RAB7A: variants seen among roughly 807,000 people sequenced by gnomAD.
The protein encoded by RAB7A is ras-related protein Rab-7a.
Under a neutral mutation model 24.5 loss-of-function variants are expected in RAB7A, and 2 were observed. That is an observed-to-expected ratio of 0.08 (90% confidence interval 0.03 to 0.26). The LOEUF (loss-of-function observed/expected upper bound fraction) is 0.26. RAB7A is among the 10% of genes least tolerant of loss of function. The pLI is 1.00. For synonymous variants in RAB7A, 100 were observed against 95.9 expected, an observed-to-expected ratio of 1.04 and a Z score of -0.25; for missense variants, 118 against 255.7, an observed-to-expected ratio of 0.46 and a Z score of 3.67.
At chr3:128,780,547 C>G (rs567256991) in intron 1 of RAB7A, among the ~76,000 whole-genome samples, 1 of 152,294 alleles carries the variant, frequency 6.6e-6, no homozygotes, top group East Asian at 1.9e-4. Flanking sequence ...ACAGTTTTGT[C>G]TGCAGGTCAT....
At chr3:128,781,289 G>A (rs1933213104) in intron 1 of RAB7A, among the ~76,000 whole-genome samples, 1 of 152,186 alleles carries the variant, frequency 6.6e-6, no homozygotes. Context: ...TATTTCATGT[G>A]TCAAATGGAA....
At chr3:128,741,826 T>C (rs2107586491) in intron 1 of RAB7A, among the ~76,000 whole-genome samples, 1 of 152,282 alleles carries the variant, frequency 6.6e-6, no homozygotes, top group South Asian at 2.1e-4. Flanking sequence ...ATTTTTTTTT[T>C]CCTTGGAGAC....
At chr3:128,787,273 G>T (rs950973097) in intron 1 of RAB7A, among the ~76,000 whole-genome samples, 7 of 152,212 alleles carry the variant, frequency 4.6e-5, no homozygotes, top group Non-Finnish European at 1.0e-4. Flanking sequence ...AACTGTCATG[G>T]CTTTGTTGAA....
intron 1 of RAB7A, among the ~76,000 whole-genome samples, chr3:128,763,138 CTCTT>C (rs1017159666): frequency 2.7e-5 from 4 of 148,504 alleles, no homozygotes; most frequent in Non-Finnish European, 5.9e-5. Flanking sequence ...TCTATCCCCA[CTCTT>C]TCTTGTGAAG....
intron 1 of RAB7A, among the ~76,000 whole-genome samples, chr3:128,766,672 C>T (rs1308570245): frequency 6.6e-6 from 1 of 152,022 alleles, no homozygotes; most frequent in East Asian, 1.9e-4. Flanking sequence ...CAGAGCAGAT[C>T]CCATAGGAAT....
At chr3:128,758,342 G>A (rs1486757010) in intron 1 of RAB7A, among the ~76,000 whole-genome samples, 9 of 147,678 alleles carry the variant, frequency 6.1e-5, no homozygotes, top group Middle Eastern at 3.5e-3. Flanking sequence ...GCGCTATCTC[G>A]GCTCACTGCA....
At chr3:128,730,444 G>T (rs1451087090) in intron 1 of RAB7A, among the ~76,000 whole-genome samples, 1 of 152,102 alleles carries the variant, frequency 6.6e-6, no homozygotes. Context: ...TAGCCAGATT[G>T]GTCTTGATCT....
At chr3:128,740,914 A>T (rs964218519) in intron 1 of RAB7A, among the ~76,000 whole-genome samples, 3 of 135,162 alleles carry the variant, frequency 2.2e-5, no homozygotes, top group African/African-American at 9.3e-5. Context: ...AAAAAAAAAA[A>T]AAAAAAAAAG....
chr3:128,727,481 TC>T (rs1203379873), intron 1 of RAB7A, among the ~76,000 whole-genome samples: 1 of 152,228 alleles, frequency 6.6e-6, no homozygotes, highest in Non-Finnish European at 1.5e-5. Context: ...TGAAAGTCTT[TC>T]TGGTAGCATC....
chr3:128,786,121 C>T (rs1933334419), intron 1 of RAB7A, among the ~76,000 whole-genome samples: 1 of 152,156 alleles, frequency 6.6e-6, no homozygotes, highest in Non-Finnish European at 1.5e-5. Context: ...TCTTTTTCTT[C>T]ATCTGTTAAA....
intron 1 of RAB7A, among the ~76,000 whole-genome samples, chr3:128,742,104 G>A (rs549658976): frequency 7.2e-5 from 11 of 152,290 alleles, no homozygotes; most frequent in African/African-American, 2.6e-4. Flanking sequence ...ATTCCTTCTG[G>A]TGGGTTCGTG....
chr3:128,807,134 G>A (rs1933821231), intron 4 of RAB7A, among the ~76,000 whole-genome samples: 1 of 152,186 alleles, frequency 6.6e-6, no homozygotes, highest in Admixed American at 6.5e-5. Context: ...TGGCATAGGT[G>A]ACATCACACT....
chr3:128,732,519 T>G (rs1167746464), intron 1 of RAB7A, among the ~76,000 whole-genome samples: 1 of 152,182 alleles, frequency 6.6e-6, no homozygotes, highest in East Asian at 1.9e-4. Flanking sequence ...CATACCTTCC[T>G]TTAATGAGAT....
chr3:128,800,663 G>C (rs1360166260), intron 3 of RAB7A, among the ~76,000 whole-genome samples: 1 of 152,238 alleles, frequency 6.6e-6, no homozygotes, highest in Admixed American at 6.5e-5. Flanking sequence ...GCTGTCAGGT[G>C]ACTCTTGGCA....
chr3:128,742,727 TTA>T (rs2070567004), intron 1 of RAB7A, among the ~76,000 whole-genome samples: 1 of 150,464 alleles, frequency 6.6e-6, no homozygotes, highest in Non-Finnish European at 1.5e-5. Flanking sequence ...TTACAATCCT[TTA>T]GCTAGACATA....
chr3:128,777,333 A>G lies in RAB7A; in HGVS notation c.-8-18027A>G, dbSNP rs575483279. ...TTCAGCCTCCCAAGTAGCTGGGACT[A>G]CAGGCGCATGCCACCACACTTGGCT... is the stretch of plus-strand genomic sequence containing the variant. On this transcript the variant is annotated intron_variant, in intron 1 of 5. Transcript: ENST00000265062. Among the ~76,000 whole-genome samples the G allele has an allele frequency of 3.9e-5, 6 of 152,218 alleles. No individual in the cohort carries two copies. The East Asian group carries it at 1.2e-3, about 29-fold the overall frequency.
At chr3:128,771,763 G>T (rs1480196895) in intron 1 of RAB7A, among the ~76,000 whole-genome samples, 1 of 152,236 alleles carries the variant, frequency 6.6e-6, no homozygotes, top group East Asian at 1.9e-4. Flanking sequence ...GCGTCTGGGA[G>T]TCTCTTCGTT....
chr3:128,770,097 G>C (rs1455427118), intron 1 of RAB7A, among the ~76,000 whole-genome samples: 3 of 151,720 alleles, frequency 2.0e-5, no homozygotes, highest in African/African-American at 7.3e-5. Context: ...TTGCCTTCTG[G>C]GTTCAAGCTG....
At chr3:128,754,048 C>G (rs1465013143) in intron 1 of RAB7A, among the ~76,000 whole-genome samples, 1 of 151,986 alleles carries the variant, frequency 6.6e-6, no homozygotes, top group African/African-American at 2.4e-5. Context: ...CTAGATCTCC[C>G]TTCATGAAGG....
Sources: gnomAD v4.1 joint callset for allele counts (sites outside exome capture counted in the v4.1 genomes callset) on GRCh38, gnomAD v4.1.1 for gene constraint, MANE v1.5 for transcripts, NCBI Gene and HGNC (gene_info 2026-07-23, HGNC 2026-07-21) for gene names.